The following ENTREP3 variants were observed in gnomAD, a reference collection of about 807,000 sequenced individuals.
ENTREP3 encodes the protein endosomal transmembrane epsin interactor 3.
chr1:155,250,868 A>C, the ENTREP3 span: 2,372 of 1,524,438 alleles, frequency 1.6e-3, 3 homozygotes, highest in Non-Finnish European at 2.0e-3. The surrounding 1 kb of genome is among the most constrained non-coding windows in gnomAD (Gnocchi z 5.4). Flanking sequence ...GGCCTGGCCT[A>C]GCCCTGCCCA....
the ENTREP3 span, chr1:155,254,885 G>A: frequency 1.9e-6 from 3 of 1,551,386 alleles, no homozygotes; most frequent in Admixed American, 5.8e-5. This position sits in a 1 kb window ranked among gnomAD's most constrained non-coding sequence, Gnocchi z 4.4. Context: ...CATGCCTGCT[G>A]CCCGGTTGCC....
chr1:155,254,307 T>C, the ENTREP3 span: 2 of 1,520,906 alleles, frequency 1.3e-6, no homozygotes, highest in Non-Finnish European at 1.8e-6. The surrounding 1 kb of genome is among the most constrained non-coding windows in gnomAD (Gnocchi z 4.4). Context: ...TGGCACCAAC[T>C]GGGGAGCCAG....
At chr1:155,253,693 C>T in the ENTREP3 span, 244 of 1,611,832 alleles carry the variant, frequency 1.5e-4, no homozygotes, top group Non-Finnish European at 1.9e-4. Context: ...CAGATTATAG[C>T]GGCACAAATG....
At chr1:155,247,448 A>G in the ENTREP3 span, 3 of 589,668 alleles carry the variant, frequency 5.1e-6, no homozygotes, top group African/African-American at 1.8e-5. Context: ...CACCTGGGCC[A>G]TGCCTTTGCC....
chr1:155,248,105 T>C, the ENTREP3 span: 1 of 1,614,198 alleles, frequency 6.2e-7, no homozygotes, highest in Non-Finnish European at 8.5e-7. Flanking sequence ...CCTGGATATC[T>C]GGAGGAAACG....
the ENTREP3 span, among the ~76,000 whole-genome samples, chr1:155,249,367 A>G: frequency 1.3e-5 from 2 of 151,926 alleles, no homozygotes; most frequent in Admixed American, 1.3e-4. Context: ...CTGGGATTAC[A>G]GGTGCAAGCC....
the ENTREP3 span, chr1:155,248,443 A>C: frequency 6.2e-7 from 1 of 1,613,988 alleles, no homozygotes; most frequent in Non-Finnish European, 8.5e-7. Context: ...TTCTTCCTCA[A>C]GCACTTTGGT....
the ENTREP3 span, chr1:155,251,856 G>C: frequency 2.0e-6 from 3 of 1,519,448 alleles, no homozygotes; most frequent in East Asian, 2.4e-5. Context: ...GGGCGGGGAC[G>C]TGCAGCCCAG....
the ENTREP3 span, chr1:155,248,428 G>A: frequency 1.2e-6 from 2 of 1,614,038 alleles, no homozygotes; most frequent in Non-Finnish European, 1.7e-6. Context: ...GGAAACAGAA[G>A]CAGCTTCTTC....
At chr1:155,252,229 A>C in the ENTREP3 span, among the ~76,000 whole-genome samples, 1 of 150,982 alleles carries the variant, frequency 6.6e-6, no homozygotes, top group Non-Finnish European at 1.5e-5. Flanking sequence ...TTTGAGACAG[A>C]GTCTGACTCT....
the ENTREP3 span, chr1:155,254,040 C>A: frequency 6.2e-7 from 1 of 1,613,752 alleles, no homozygotes. This position sits in a 1 kb window ranked among gnomAD's most constrained non-coding sequence, Gnocchi z 4.4. Flanking sequence ...TCCTGCACAC[C>A]TCCCCCAGCC....
At chr1:155,248,247 G>GC in the ENTREP3 span, 1 of 1,603,558 alleles carries the variant, frequency 6.2e-7, no homozygotes, top group Non-Finnish European at 8.5e-7. Flanking sequence ...CGGGCACGTA[G>GC]CAACTTGGGG....
At chr1:155,254,847 A>G in the ENTREP3 span, 1 of 1,587,262 alleles carries the variant, frequency 6.3e-7, no homozygotes, top group Non-Finnish European at 8.6e-7. The surrounding 1 kb of genome is among the most constrained non-coding windows in gnomAD (Gnocchi z 4.4). Context: ...CTGGTCAGCG[A>G]GCGGCTGGAG....
chr1:155,249,334 A>G, the ENTREP3 span, among the ~76,000 whole-genome samples: 1 of 151,648 alleles, frequency 6.6e-6, no homozygotes, highest in East Asian at 2.0e-4. Context: ...CAGGTGATCC[A>G]CCCACCTCAG....
chr1:155,247,463 C>T, the ENTREP3 span: 3 of 617,324 alleles, frequency 4.9e-6, no homozygotes. Flanking sequence ...TTTGCCCTGA[C>T]CATAGTGCCC....
the ENTREP3 span, chr1:155,253,909 G>A: frequency 6.2e-7 from 1 of 1,612,904 alleles, no homozygotes; most frequent in Non-Finnish European, 8.5e-7. Context: ...GCAACTTTCA[G>A]TTCCTGCCCC....
chr1:155,250,240 C>T, the ENTREP3 span: 2 of 1,529,172 alleles, frequency 1.3e-6, no homozygotes, highest in Non-Finnish European at 1.8e-6. This position sits in a 1 kb window ranked among gnomAD's most constrained non-coding sequence, Gnocchi z 5.4. Flanking sequence ...AGTGCCTACC[C>T]TCTCCTGAGC....
chr1:155,254,905 C>A, the ENTREP3 span: 13 of 1,527,460 alleles, frequency 8.5e-6, no homozygotes, highest in African/African-American at 1.4e-4. This position sits in a 1 kb window ranked among gnomAD's most constrained non-coding sequence, Gnocchi z 4.4. Flanking sequence ...CTGCGCCTCG[C>A]TCGGCCCTCC....
the ENTREP3 span, chr1:155,252,690 G>GTGTGTATATATATATA: frequency 6.1e-5 from 2 of 32,878 alleles, no homozygotes; most frequent in East Asian, 1.5e-3. Flanking sequence ...AATTTTGTGT[G>GTGTGTATATATATATA]TATATATATA....
Sources: allele counts gnomAD v4.1 joint callset (sites outside exome capture counted in the v4.1 genomes callset), GRCh38; gene constraint gnomAD v4.1.1; non-coding constraint Gnocchi (gnomAD v3.1); transcripts MANE v1.5; gene names NCBI Gene and HGNC (gene_info 2026-07-23, HGNC 2026-07-21).